Variants in USP6 observed in about 807,000 individuals in gnomAD.
USP6 encodes ubiquitin carboxyl-terminal hydrolase 6.
A neutral mutation model predicts 175.7 loss-of-function variants in USP6; 128 were observed. That is an observed-to-expected ratio of 0.73 (90% CI 0.63 to 0.84). USP6 has a LOEUF of 0.84. Ranked by LOEUF, USP6 falls within the 40% of genes least tolerant of loss-of-function variation. USP6 has a pLI of 0.00. For missense variants in USP6, 1,498 were observed against 1,760.3 expected (o/e 0.85, Z 2.67); for synonymous variants, 562 against 630.6 (o/e 0.89, Z 1.63).
At chr17:5,158,617 GAGAGAGAGAGA>G (rs1445598151) in intron 31 of USP6, among the ~76,000 whole-genome samples, 2 of 21,740 alleles carry the variant, frequency 9.2e-5, no homozygotes, top group East Asian at 2.0e-3. Context: ...GAGAGGGGGA[GAGAGAGAGAGA>G]GAGAGAGAGA....
Position 5,135,259 on chromosome 17 carries a change from C to T in USP6, c.520C>T (p.Leu174=), listed in dbSNP as rs769788923. ...GCAGAGGGAACTATTCTACATCCTCCTGGCCTATTCGGAGTATAACCCGGT... is the reference window on the plus strand; with the variant it reads ...GCAGAGGGAACTATTCTACATCCTCTTGGCCTATTCGGAGTATAACCCGGT... ...AKQRELFYIL[L]AYSEYNPEVG... Residue 174 remains leucine (L), a synonymous_variant, in exon 16 of 38, where the codon CTG becomes TTG. Coordinates refer to ENST00000574788, the MANE Select transcript of USP6 (RefSeq NM_001304284.2). 1 of 1,612,994 alleles carries T rather than the reference C, an allele frequency of 6.2e-7. No homozygotes were observed. Among genetic ancestry groups the T allele is most frequent in the South Asian group, 1.1e-5 (1 of 91,066 alleles).
chr17:5,148,911 A>T (rs1275693871), intron 30 of USP6, 144 bp downstream of exon 30: 2 of 1,399,876 alleles, frequency 1.4e-6, no homozygotes, highest in Non-Finnish European at 1.9e-6. Flanking sequence ...TACAAATTTT[A>T]TTTTTTTACT....
At chr17:5,172,488 A>T (rs1035753090) in intron 37 of USP6, among the ~76,000 whole-genome samples, 1 of 152,206 alleles carries the variant, frequency 6.6e-6, no homozygotes, top group Non-Finnish European at 1.5e-5. Context: ...CTGAGATTGC[A>T]CCAGTGCACA....
rs2074273743 is a variant in USP6 at position 5,173,833 on chromosome 17, C to T, written c.*855C>T. On this transcript the variant is annotated 3_prime_UTR_variant, in exon 38 of 38. Coordinates refer to ENST00000574788, the MANE Select transcript of USP6 (RefSeq NM_001304284.2). The stretch of plus-strand genomic sequence containing the variant: ...AATATTTGCACCATCTTCACATGCA[C>T]ATGTTGCAACAAGAGCTTCTGGGAA... 4.5e-6 allele frequency: 1 copy of T among 222,974 alleles called. No homozygotes were observed. Among genetic ancestry groups the T allele is most frequent in the Non-Finnish European group, 9.0e-6 (1 of 111,340 alleles). 13.8% of individuals were successfully genotyped at this position (222,974 alleles called of 1,614,324 possible).
intron 30 of USP6, among the ~76,000 whole-genome samples, chr17:5,152,783 G>GCC (rs976634302): frequency 6.6e-6 from 1 of 152,096 alleles, no homozygotes; most frequent in Non-Finnish European, 1.5e-5. Context: ...GATTGCTTGA[G>GCC]CCCAGGAGTT....
chr17:5,172,313 T>C (rs961537997), intron 37 of USP6, among the ~76,000 whole-genome samples: 8 of 152,082 alleles, frequency 5.3e-5, no homozygotes, highest in African/African-American at 9.7e-5. Flanking sequence ...GGGCGGATCA[T>C]GAGGTCAGGA....
At chr17:5,170,245 C>T (rs2074183523) in intron 35 of USP6, among the ~76,000 whole-genome samples, 1 of 152,056 alleles carries the variant, frequency 6.6e-6, no homozygotes, top group South Asian at 2.1e-4. Flanking sequence ...TTTCTGAGTC[C>T]CTATAATGCA....
intron 19 of USP6, 89 bp from the exon 20 acceptor site, chr17:5,137,560 ACT>A: frequency 7.5e-7 from 1 of 1,328,502 alleles, no homozygotes; most frequent in Non-Finnish European, 1.1e-6. Flanking sequence ...AAGGTCACTG[ACT>A]CTGGAGACTG....
chr17:5,149,936 T>C (rs550125770), intron 30 of USP6, among the ~76,000 whole-genome samples: 11 of 152,286 alleles, frequency 7.2e-5, no homozygotes, highest in African/African-American at 2.6e-4. Context: ...ACCTATGTTT[T>C]AGTTCTAATT....
chr17:5,144,941 G>T, intron 26 of USP6, 78 bp downstream of exon 26: 2 of 1,476,780 alleles, frequency 1.4e-6, no homozygotes, highest in South Asian at 3.0e-5. Context: ...CAACTTAAAT[G>T]CAAACTAAAC....
rs4076450 is a variant in USP6 at position 5,119,565 on chromosome 17, G to A, written c.-1836-1062G>A. Among the ~76,000 whole-genome samples, 1,137 of 152,246 alleles carry A rather than the reference G, an allele frequency of 7.5e-3. 19 individuals carry two copies. The highest frequency in any genetic ancestry group is 0.025 in the African/African-American group (1,037 of 41,550). On this transcript the variant is annotated intron_variant, in intron 2 of 37. Transcript: ENST00000574788. ...TTCCAGTCCAGTTCCCATCTTTTAT[G>A]GATGCCTAGCCCTGACCCTCAGAGG...
Position 5,133,490 on chromosome 17 carries a change from G to T in USP6, c.324G>T (p.Pro108=). The change falls in exon 14 of 38, where the codon CCG becomes CCT. Residue 108 remains proline (P), a synonymous_variant. Transcript: ENST00000574788. ...GAATTCCCATGAACATCCGGGGCCCGGTGTGGTCAGTCCTCCTGAACATTC... is the reference window on the plus strand; with the variant it reads ...GAATTCCCATGAACATCCGGGGCCCTGTGTGGTCAGTCCTCCTGAACATTC... ...YKGIPMNIRG[P]VWSVLLNIQE... 2 of 1,611,724 alleles carry T rather than the reference G, an allele frequency of 1.2e-6. No homozygotes were observed. The highest frequency in any genetic ancestry group is 1.7e-6 in the Non-Finnish European group (2 of 1,179,694).
At chr17:5,122,194 T>C (rs2072694868) in intron 4 of USP6, among the ~76,000 whole-genome samples, 3 of 151,588 alleles carry the variant, frequency 2.0e-5, no homozygotes, top group African/African-American at 7.3e-5. Context: ...AGGTTATAGC[T>C]CAAAACAGCA....
Position 5,132,426 on chromosome 17 carries a change from G to T in USP6, c.186G>T (p.Arg62=), listed in dbSNP as rs145160344. 6.2e-7 allele frequency: 1 copy of T among 1,612,034 alleles called. No individual in the cohort carries two copies. Among genetic ancestry groups the T allele is most frequent in the South Asian group, 1.1e-5 (1 of 90,996 alleles). The change falls in exon 12 of 38, where the codon CGG becomes CGT. Residue 62 remains arginine, a synonymous_variant. Coordinates refer to ENST00000574788, the MANE Select transcript of USP6 (RefSeq NM_001304284.2). This position sits in a 1 kb window ranked among gnomAD's most constrained non-coding sequence, Gnocchi z 4.7. ...HETELPPVTA[R]EAKKIRREMT... Reference sequence around the variant, plus strand: ...CGGAGCTGCCTCCTGTGACTGCACGGGAGGCGAAGGTAAGAGCCTGATGCG... The same window carrying T: ...CGGAGCTGCCTCCTGTGACTGCACGTGAGGCGAAGGTAAGAGCCTGATGCG...
chr17:5,154,529 T>C (rs2073839760), intron 30 of USP6, among the ~76,000 whole-genome samples: 1 of 152,204 alleles, frequency 6.6e-6, no homozygotes, highest in South Asian at 2.1e-4. Context: ...CTTACTTTTA[T>C]CCTATCCTGT....
Position 5,138,166 on chromosome 17 carries a change from G to A in USP6, c.971G>A (p.Arg324Gln), listed in dbSNP as rs756197343. ...AGGTGTGGCCTGTGGGCACGTCTGC[G>A]GAACCAATTCTTCGATACCTGGGCC... Reference protein sequence around the residue: ...TSRCGLWARLRNQFFDTWAMN... With the variant: ...TSRCGLWARLQNQFFDTWAMN... Residue 324 changes from arginine to glutamine, a missense_variant, in exon 21 of 38, where the codon CGG becomes CAG. By Grantham distance (43) the Arg-to-Gln change is conservative. Transcript: ENST00000574788. The A allele has an allele frequency of 3.3e-5, 53 of 1,613,944 alleles. No individual in the cohort carries two copies. The Middle Eastern group carries it at 4.9e-4, about 15-fold the overall frequency.
chr17:5,162,868 T>C lies in USP6; in HGVS notation c.2916-16T>C, dbSNP rs1424150811. 1 of 1,590,296 alleles carries C rather than the reference T, an allele frequency of 6.3e-7. No homozygotes were observed. Among genetic ancestry groups the C allele is most frequent in the African/African-American group, 1.4e-5 (1 of 73,390 alleles). On this transcript the variant is annotated splice_polypyrimidine_tract_variant and intron_variant, in intron 32 of 37. Coordinates refer to ENST00000574788, the MANE Select transcript of USP6 (RefSeq NM_001304284.2). Reference sequence around the variant, plus strand: ...ATAATTATTTCTTCCTCTGTGGATCTTTCCCCCCTTTTTAGATTTTGCAGA... The same window carrying C: ...ATAATTATTTCTTCCTCTGTGGATCCTTCCCCCCTTTTTAGATTTTGCAGA...
In USP6 at chr17:5,132,133, C is replaced by T; in HGVS notation, c.156-263C>T. The stretch of plus-strand genomic sequence containing the variant: ...CACCTCAAGTCCAGGATGGGCAGCC[C>T]CACTGTGGCCTGACCACCCCCCATG... On this transcript the variant is annotated intron_variant, in intron 11 of 37. Coordinates refer to ENST00000574788, the MANE Select transcript of USP6 (RefSeq NM_001304284.2). The surrounding 1 kb of genome is among the most constrained non-coding windows in gnomAD (Gnocchi z 4.7). 9.1e-6 allele frequency: 12 copies of T among 1,319,832 alleles called. No individual in the cohort carries two copies. Among genetic ancestry groups the T allele is most frequent in the African/African-American group, 1.5e-5 (1 of 67,942 alleles). The allele number at this position is 1,319,832 out of a possible 1,614,324, so 81.8% of individuals were successfully genotyped here.
Position 5,133,523 on chromosome 17 carries a change from C to G in USP6, c.357C>G (p.Ile119Met), listed in dbSNP as rs762621644. 3 of 1,609,776 alleles carry G rather than the reference C, an allele frequency of 1.9e-6. No homozygotes were observed. Among genetic ancestry groups the G allele is most frequent in the African/African-American group, 1.3e-5 (1 of 74,768 alleles). ...VWSVLLNIQE[I>M]KLKNPGRYQI... ...CAGTCCTCCTGAACATTCAGGAAAT[C>G]AAGTTGAAAAACCCCGGAAGATACC... Residue 119 changes from isoleucine (I) to methionine (M), a missense_variant, in exon 14 of 38, where the codon ATC becomes ATG. Around this residue, in one of 2 missense-constraint regions of USP6, gnomAD observed 281 missense variants for 259.6 expected, o/e 1.08. Coordinates refer to ENST00000574788, the MANE Select transcript of USP6 (RefSeq NM_001304284.2).
Sources: allele counts gnomAD v4.1 joint callset (sites outside exome capture counted in the v4.1 genomes callset), GRCh38; gene constraint gnomAD v4.1.1; regional missense constraint gnomAD v4.1.1; non-coding constraint Gnocchi (gnomAD v3.1); transcripts MANE v1.5; gene names NCBI Gene and HGNC (gene_info 2026-07-23, HGNC 2026-07-21).